TRPM2: variants seen among roughly 807,000 people sequenced by gnomAD.
TRPM2 encodes estrogen-responsive element-associated gene 1 protein.
Under a neutral mutation model 174.0 loss-of-function variants are expected in TRPM2, and 161 were observed. That is an observed-to-expected ratio of 0.93 (90% CI 0.81 to 1.05). The LOEUF is 1.05. Among genes scored for constraint, TRPM2 ranks in the 50% least tolerant of loss-of-function variants. The pLI, the probability that TRPM2 is intolerant of heterozygous loss-of-function variation, is 0.00. For synonymous variants in TRPM2, 954 were observed against 861.3 expected (o/e 1.11, Z -1.88); for missense variants, 2,057 against 2,038.0 (o/e 1.01, Z -0.18).
intron 20 of TRPM2, chr21:44,416,650 C>A: frequency 5.5e-6 from 1 of 182,978 alleles, no homozygotes; most frequent in Non-Finnish European, 1.2e-5. Context: ...TTTTTTCTTG[C>A]TTTGGTTCCC....
Position 44,423,741 on chromosome 21 carries a change from G to A in TRPM2, c.3549+9G>A, listed in dbSNP as rs372773356. The stretch of plus-strand genomic sequence containing the variant: ...CCTCCCTGGAGGAGCAGGTGGGTCC[G>A]AGGTCGGGGCCTCCGTCAGGAGGTG... On this transcript the variant is annotated intron_variant, in intron 23 of 31. Coordinates refer to ENST00000397928, the MANE Select transcript of TRPM2 (RefSeq NM_003307.4). The A allele has an allele frequency of 1.5e-4, 236 of 1,597,570 alleles. 2 individuals carry two copies. The highest frequency in any genetic ancestry group is 2.3e-4 in the East Asian group (10 of 44,396).
intron 12 of TRPM2, among the ~76,000 whole-genome samples, chr21:44,397,220 G>A (rs1001137643): frequency 6.6e-6 from 1 of 152,020 alleles, no homozygotes; most frequent in Non-Finnish European, 1.5e-5. Context: ...TTATAATTTA[G>A]TAGAGATGGG....
At chr21:44,351,442 G>A (rs2047924776), upstream of TRPM2, among the ~76,000 whole-genome samples, 1 of 152,238 alleles carries the variant, frequency 6.6e-6, no homozygotes, top group South Asian at 2.1e-4. Context: ...ATGGGGCCTT[G>A]CCTTGCTCAG....
At chr21:44,355,440 C>T (rs147310083) in intron 2 of TRPM2, among the ~76,000 whole-genome samples, 1 of 152,340 alleles carries the variant, frequency 6.6e-6, no homozygotes, top group East Asian at 1.9e-4. Flanking sequence ...TCCTTTTACT[C>T]CATTGCCTGG....
chr21:44,441,770 A>C lies in TRPM2; in HGVS notation c.4465A>C (p.Lys1489Gln). The C allele has an allele frequency of 6.2e-7, 1 of 1,611,530 alleles. No homozygotes were observed. Among genetic ancestry groups the C allele is most frequent in the Non-Finnish European group, 8.5e-7 (1 of 1,178,890 alleles). Residue 1489 changes from lysine to glutamine, a missense_variant, in exon 32 of 32, where the codon AAG (lysine) becomes CAG (glutamine). Transcript: ENST00000397928. ...DRRIPLYANHKTLLQKAAAEF... is the reference protein window; with the variant it reads ...DRRIPLYANHQTLLQKAAAEF... ...GCGCATCCCACTCTATGCGAACCAC[A>C]AGACCCTCCTCCAGAAGGCAGCCGC...
At chr21:44,370,355 C>T (rs45621438) in intron 5 of TRPM2, among the ~76,000 whole-genome samples, 26,737 of 152,168 alleles carry the variant, frequency 0.18, 2,499 homozygotes, top group Non-Finnish European at 0.2. Context: ...CCAGCTTCTC[C>T]GTCAAGGTTG....
At position 44,391,004 on chromosome 21, in the gene TRPM2, C is replaced by T. The variant is rs1244792634; in HGVS notation, c.1419C>T (p.Phe473=). 2.5e-6 allele frequency: 4 copies of T among 1,614,018 alleles called. No homozygotes were observed. Among genetic ancestry groups the T allele is most frequent in the Non-Finnish European group, 3.4e-6 (4 of 1,180,022 alleles). ...TGGACATTGCCCGCAGTGAGATCTT[C>T]ATGGATGAGTGGCAGTGGAAGGTAA... ...NRVDIARSEI[F]MDEWQWKPSD... Residue 473 remains phenylalanine (F), a synonymous_variant, in exon 10 of 32, where the codon TTC becomes TTT. Transcript: ENST00000397928. This position sits in a 1 kb window ranked among gnomAD's most constrained non-coding sequence, Gnocchi z 5.0.
chr21:44,406,536 G>A (rs1226940448), intron 18 of TRPM2, 58 bp from the exon 19 acceptor site: 20 of 1,541,880 alleles, frequency 1.3e-5, no homozygotes, highest in Middle Eastern at 4.4e-4. Context: ...GCCTGCCTCT[G>A]GGCCCAGTGA....
chr21:44,422,043 A>T (rs2050569437), intron 22 of TRPM2, among the ~76,000 whole-genome samples: 1 of 152,254 alleles, frequency 6.6e-6, no homozygotes, highest in Admixed American at 6.5e-5. Flanking sequence ...TCATCCGCAG[A>T]GGGGCCTGGG....
At chr21:44,356,403 G>A (rs565305790) in intron 2 of TRPM2, among the ~76,000 whole-genome samples, 1 of 151,720 alleles carries the variant, frequency 6.6e-6, no homozygotes, top group African/African-American at 2.4e-5. Flanking sequence ...GCGGGTTCTT[G>A]GATCTCACAC....
chr21:44,393,894 CA>C (rs1432502606), intron 11 of TRPM2, among the ~76,000 whole-genome samples: 3 of 151,776 alleles, frequency 2.0e-5, no homozygotes, highest in Non-Finnish European at 2.9e-5. Context: ...GTTTTTGAGA[CA>C]AAGTTTTGCT....
intron 7 of TRPM2, among the ~76,000 whole-genome samples, chr21:44,378,248 G>A (rs898755725): frequency 3.3e-5 from 5 of 152,202 alleles, no homozygotes; most frequent in South Asian, 4.1e-4. Flanking sequence ...CTTCCTTCCC[G>A]ACCCTAACCC....
At chr21:44,436,614 C>T (rs1285848230) in intron 28 of TRPM2, among the ~76,000 whole-genome samples, 7 of 132,782 alleles carry the variant, frequency 5.3e-5, no homozygotes, top group African/African-American at 1.7e-4. Context: ...CTCAGCACCC[C>T]ATGTCACCCC....
intron 7 of TRPM2, among the ~76,000 whole-genome samples, chr21:44,378,464 G>C (rs557093342): frequency 2.0e-5 from 3 of 152,204 alleles, no homozygotes; most frequent in Non-Finnish European, 4.4e-5. Context: ...ATAGAGCACT[G>C]GGTCCTCACT....
At chr21:44,373,706 TTC>T (rs2048612880) in intron 5 of TRPM2, among the ~76,000 whole-genome samples, 2 of 152,188 alleles carry the variant, frequency 1.3e-5, no homozygotes, top group African/African-American at 2.4e-5. Context: ...TTCCCTCAAT[TTC>T]TCTCTTTCCT....
At chr21:44,389,043 C>G (rs1365949308) in intron 9 of TRPM2, among the ~76,000 whole-genome samples, 1 of 152,172 alleles carries the variant, frequency 6.6e-6, no homozygotes, top group East Asian at 1.9e-4. Context: ...GACATCTCCC[C>G]TATCCTGAAT....
rs774787264 is a variant in TRPM2, at chr21:44,423,717, C to T, written c.3534C>T (p.Ala1178=). Residue 1178 remains alanine (A), a synonymous_variant, in exon 23 of 32, where the codon GCC becomes GCT. Coordinates refer to ENST00000397928, the MANE Select transcript of TRPM2 (RefSeq NM_003307.4). The part of the protein sequence containing the change: ...KRSGSMEQRL[A]SLEEQVAQTA... ...CGGGCTCCATGGAGCAGAGGTTGGC[C>T]TCCCTGGAGGAGCAGGTGGGTCCGA... 3 of 1,609,462 alleles carry T rather than the reference C, an allele frequency of 1.9e-6. No individual in the cohort carries two copies. Among genetic ancestry groups the T allele is most frequent in the South Asian group, 2.2e-5 (2 of 89,828 alleles).
rs930226404 is a variant in TRPM2, at chr21:44,366,649, C to A, written c.424-105C>A. ...TCTGGGTCTGAGCCGGAAAGGTGTG[C>A]GGTGTCTGCCGCCCGCTGGGGCCTC... is the stretch of plus-strand genomic sequence containing the variant. On this transcript the variant is annotated intron_variant, in intron 3 of 31. Transcript: ENST00000397928. The surrounding 1 kb of genome is among the most constrained non-coding windows in gnomAD (Gnocchi z 6.0). The A allele has an allele frequency of 6.7e-7, 1 of 1,484,274 alleles. No individual in the cohort carries two copies. Among genetic ancestry groups the A allele is most frequent in the Non-Finnish European group, 9.2e-7 (1 of 1,081,300 alleles). 91.9% of individuals were successfully genotyped at this position (1,484,274 alleles called of 1,614,324 possible).
Position 44,375,898 on chromosome 21 carries a change from C to A in TRPM2, c.837C>A (p.Ser279Arg), listed in dbSNP as rs771340047. The change falls in exon 6 of 32, where the codon AGC becomes AGA. Residue 279 changes from serine to arginine, a missense_variant. Coordinates refer to ENST00000397928, the MANE Select transcript of TRPM2 (RefSeq NM_003307.4). ...DGQGNLTCLD[S>R]NHSHFILVDD... Reference sequence around the variant, plus strand: ...AAGGGAACCTGACCTGCCTAGACAGCAACCACTCTCACTTCATCCTCGTGG... The same window carrying A: ...AAGGGAACCTGACCTGCCTAGACAGAAACCACTCTCACTTCATCCTCGTGG... 6.2e-7 allele frequency: 1 copy of A among 1,614,126 alleles called. No individual in the cohort carries two copies. Among genetic ancestry groups the A allele is most frequent in the South Asian group, 1.1e-5 (1 of 91,090 alleles).
Sources: gnomAD v4.1 joint callset for allele counts (sites outside exome capture counted in the v4.1 genomes callset) on GRCh38, gnomAD v4.1.1 for gene constraint, Gnocchi (gnomAD v3.1) non-coding constraint, MANE v1.5 for transcripts, NCBI Gene and HGNC (gene_info 2026-07-23, HGNC 2026-07-21) for gene names.